Variants in SPACA9 observed in about 807,000 individuals in gnomAD.
SPACA9 encodes sperm acrosome-associated protein 9.
In SPACA9, 14 loss-of-function variants were observed where a neutral mutation model predicts 12.5. The ratio of observed to expected loss-of-function variants is 1.12; its 90% confidence interval spans 0.74 to 1.75. The LOEUF is 1.75. Among genes scored for constraint, SPACA9 ranks in the 40% most tolerant of loss-of-function variants. The pLI is 0.00. For synonymous variants in SPACA9, 111 were observed against 114.1 expected (o/e 0.97, Z 0.17); for missense variants, 292 against 291.9 (o/e 1.00, Z 0.00).
At position 132,888,960 on chromosome 9, in the gene SPACA9, C is replaced by G. The variant is rs960223820; in HGVS notation, c.*349C>G. ...TTTTTTGTATTTTTAGTAGAGACAG[C>G]GTTTCACCATGTTAGCCAGGATGGT... On this transcript the variant is annotated 3_prime_UTR_variant, in exon 4 of 4. Coordinates refer to ENST00000356311, the MANE Select transcript of SPACA9 (RefSeq NM_001316897.2). The surrounding 1 kb of genome is among the most constrained non-coding windows in gnomAD (Gnocchi z 5.0). The G allele has an allele frequency of 4.8e-6, 3 of 629,818 alleles. No homozygotes were observed. Among genetic ancestry groups the G allele is most frequent in the East Asian group, 9.0e-5 (1 of 11,114 alleles). 39.0% of individuals were successfully genotyped at this position (629,818 alleles called of 1,614,324 possible).
chr9:132,880,282 C>T (rs1305201473), intron 1 of SPACA9, among the ~76,000 whole-genome samples: 3 of 152,156 alleles, frequency 2.0e-5, no homozygotes, highest in African/African-American at 4.8e-5. Flanking sequence ...TCCCCCAGAT[C>T]GAGAAGTGCC....
In SPACA9 at chr9:132,888,103, C is replaced by T. The variant is rs561049659; in HGVS notation, c.348-187C>T. ...TCTCCTGTCTTTCACACCAGAATTA[C>T]CTGGGGCTTGTGGCACCCCAGGCCT... On this transcript the variant is annotated intron_variant, in intron 3 of 3. Transcript: ENST00000356311. The surrounding 1 kb of genome is among the most constrained non-coding windows in gnomAD (Gnocchi z 5.0). 6.6e-6 allele frequency among the ~76,000 whole-genome samples: 1 copy of T among 152,312 alleles called. No individual in the cohort carries two copies. The highest frequency in any genetic ancestry group is 2.4e-5 in the African/African-American group (1 of 41,574).
chr9:132,879,669 T>C (rs1451891959), intron 1 of SPACA9, among the ~76,000 whole-genome samples: 1 of 152,234 alleles, frequency 6.6e-6, no homozygotes, highest in Non-Finnish European at 1.5e-5. Flanking sequence ...AGTGGTTGGC[T>C]GGGTAACTTT....
intron 2 of SPACA9, among the ~76,000 whole-genome samples, chr9:132,885,159 A>G (rs191521070): frequency 2.3e-4 from 35 of 152,168 alleles, no homozygotes; most frequent in African/African-American, 7.7e-4. Context: ...AAAATGAAAA[A>G]AAACACTTTT....
At chr9:132,879,453 G>A (rs1844320726) in intron 1 of SPACA9, among the ~76,000 whole-genome samples, 1 of 152,190 alleles carries the variant, frequency 6.6e-6, no homozygotes, top group Non-Finnish European at 1.5e-5. Flanking sequence ...CTTGCTCCGT[G>A]CCTCACTTTC....
Position 132,888,617 on chromosome 9 carries a change from A to G in SPACA9, c.*6A>G. ...CTCCTGGTGGGAAATTGTAACTCAG[A>G]GCCAGGAGCTCCGTCGGCGGAGAGC... On this transcript the variant is annotated 3_prime_UTR_variant, in exon 4 of 4. Coordinates refer to ENST00000356311, the MANE Select transcript of SPACA9 (RefSeq NM_001316897.2). This position sits in a 1 kb window ranked among gnomAD's most constrained non-coding sequence, Gnocchi z 5.0. The G allele has an allele frequency of 6.6e-7, 1 of 1,519,924 alleles. No individual in the cohort carries two copies. The highest frequency in any genetic ancestry group is 8.8e-7 in the Non-Finnish European group (1 of 1,132,164). 94.2% of individuals were successfully genotyped at this position (1,519,924 alleles called of 1,614,324 possible).
chr9:132,883,322 C>G (rs1844475158), intron 1 of SPACA9, among the ~76,000 whole-genome samples: 1 of 152,246 alleles, frequency 6.6e-6, no homozygotes, highest in African/African-American at 2.4e-5. Flanking sequence ...TCAAACTAGA[C>G]AGTCTAGTAT....
chr9:132,881,878 G>T (rs1328722129), intron 1 of SPACA9, among the ~76,000 whole-genome samples: 1 of 152,100 alleles, frequency 6.6e-6, no homozygotes, highest in African/African-American at 2.4e-5. Context: ...GTTTTGCATG[G>T]GGGCAAGTGT....
In SPACA9 at chr9:132,888,737, A is replaced by G. The variant is rs1027047591; in HGVS notation, c.*126A>G. On this transcript the variant is annotated 3_prime_UTR_variant, in exon 4 of 4. Coordinates refer to ENST00000356311, the MANE Select transcript of SPACA9 (RefSeq NM_001316897.2). This position sits in a 1 kb window ranked among gnomAD's most constrained non-coding sequence, Gnocchi z 5.0. ...TAACCCCAAGGGAATCAGCCAATAT[A>G]TTACTGAGACTTCCTCTCTCTCTTC... is the stretch of plus-strand genomic sequence containing the variant. The G allele has an allele frequency of 1.2e-5, 17 of 1,432,244 alleles. No homozygotes were observed. In the African/African-American group the frequency reaches 1.9e-4, roughly 16 times the overall value. 88.7% of individuals were successfully genotyped at this position (1,432,244 alleles called of 1,614,324 possible).
At position 132,888,511 on chromosome 9, in the gene SPACA9, C is replaced by T. The variant is rs1455273752; in HGVS notation, c.569C>T (p.Pro190Leu). 1.3e-6 allele frequency: 2 copies of T among 1,586,852 alleles called. No homozygotes were observed. The highest frequency in any genetic ancestry group is 1.7e-6 in the Non-Finnish European group (2 of 1,167,282). Residue 190 changes from proline to leucine, a missense_variant, in exon 4 of 4, where the codon CCC becomes CTC. Pro to Leu is a moderately conservative substitution (Grantham distance 98). Transcript: ENST00000356311. This position sits in a 1 kb window ranked among gnomAD's most constrained non-coding sequence, Gnocchi z 5.0. ...ARPAQAIGTQ[P>L]RATKHKCRQL... Reference sequence around the variant, plus strand: ...CCTGCCCAGGCCATAGGGACCCAGCCCAGGGCCACTAAACACAAGTGTAGA... The same window carrying T: ...CCTGCCCAGGCCATAGGGACCCAGCTCAGGGCCACTAAACACAAGTGTAGA...
Position 132,888,466 on chromosome 9 carries a change from G to C in SPACA9, c.524G>C (p.Ser175Thr), listed in dbSNP as rs1844636899. The change falls in exon 4 of 4, where the codon AGC becomes ACC. Residue 175 changes from serine to threonine, a missense_variant. By Grantham distance (58) the Ser-to-Thr change is moderately conservative. Coordinates refer to ENST00000356311, the MANE Select transcript of SPACA9 (RefSeq NM_001316897.2). The surrounding 1 kb of genome is among the most constrained non-coding windows in gnomAD (Gnocchi z 5.0). ...HVSEPQAHQESTRGAARPAQA... is the reference protein window; with the variant it reads ...HVSEPQAHQETTRGAARPAQA... The stretch of plus-strand genomic sequence containing the variant: ...AGTGAGCCCCAGGCGCACCAGGAGA[G>C]CACCAGGGGAGCCGCTCGTCCTGCC... The C allele has an allele frequency of 3.1e-6, 5 of 1,612,158 alleles. No individual in the cohort carries two copies. The highest frequency in any genetic ancestry group is 4.2e-6 in the Non-Finnish European group (5 of 1,179,332).
At chr9:132,878,632 C>T (rs756397481), upstream of SPACA9, 418 of 1,044,524 alleles carry the variant, frequency 4.0e-4, no homozygotes, top group Admixed American at 5.0e-4. This position sits in a 1 kb window ranked among gnomAD's most constrained non-coding sequence, Gnocchi z 4.7. Context: ...GCCCGGCTCC[C>T]TGTGCCTCAG....
intron 2 of SPACA9, among the ~76,000 whole-genome samples, chr9:132,886,002 T>A (rs889553309): frequency 6.6e-6 from 1 of 152,260 alleles, no homozygotes; most frequent in South Asian, 2.1e-4. Flanking sequence ...GGTATGAGTG[T>A]GAAGAGCCTC....
intron 2 of SPACA9, among the ~76,000 whole-genome samples, chr9:132,884,497 G>C (rs758422226): frequency 3.9e-5 from 6 of 152,214 alleles, no homozygotes; most frequent in Non-Finnish European, 8.8e-5. Context: ...GGGGGTTGAG[G>C]AACTGTGGGA....
At position 132,888,149 on chromosome 9, in the gene SPACA9, G is replaced by A; in HGVS notation, c.348-141G>A. 1 of 1,362,688 alleles carries A rather than the reference G, an allele frequency of 7.3e-7. No individual in the cohort carries two copies. The highest frequency in any genetic ancestry group is 9.8e-7 in the Non-Finnish European group (1 of 1,020,728). The allele number at this position is 1,362,688 out of a possible 1,614,324, so 84.4% of individuals were successfully genotyped here. A position where few individuals can be genotyped will look rare whatever the true frequency, so the allele number is the denominator to read the frequency against. ...GGCCTGGTCTGCCAGAATCTCTGGG[G>A]ACAGAGCGCCTCAGCGTGCTGTGTG... On this transcript the variant is annotated intron_variant, in intron 3 of 3. Transcript: ENST00000356311. The surrounding 1 kb of genome is among the most constrained non-coding windows in gnomAD (Gnocchi z 5.0).
In SPACA9 at chr9:132,887,482, G is replaced by A. The variant is rs1225499323; in HGVS notation, c.258G>A (p.Val86=). 1 of 1,614,010 alleles carries A rather than the reference G, an allele frequency of 6.2e-7. No homozygotes were observed. The highest frequency in any genetic ancestry group is 8.5e-7 in the Non-Finnish European group (1 of 1,180,016). The part of the protein sequence containing the change: ...LNKLCQHFEA[V]HSGTPVTNNL... ...AGCTCTGCCAGCACTTTGAGGCCGT[G>A]CACTCTGGCACCCCAGTCACCAACA... is the stretch of plus-strand genomic sequence containing the variant. The change falls in exon 3 of 4, where the codon GTG becomes GTA. Residue 86 remains valine, a synonymous_variant. Transcript: ENST00000356311. The surrounding 1 kb of genome is among the most constrained non-coding windows in gnomAD (Gnocchi z 5.4).
chr9:132,889,953 A>C lies in SPACA9; in HGVS notation c.*1342A>C. On this transcript the variant is annotated 3_prime_UTR_variant, in exon 4 of 4. Transcript: ENST00000356311. ...TGTCTGACTGTTGGTTTTTCCCTTCACAGGGGACGACTTAGCTTCTGTATT... is the reference window on the plus strand; with the variant it reads ...TGTCTGACTGTTGGTTTTTCCCTTCCCAGGGGACGACTTAGCTTCTGTATT... 1 of 1,506,854 alleles carries C rather than the reference A, an allele frequency of 6.6e-7. No individual in the cohort carries two copies. Among genetic ancestry groups the C allele is most frequent in the African/African-American group, 1.4e-5 (1 of 71,180 alleles). The allele number at this position is 1,506,854 out of a possible 1,614,324, so 93.3% of individuals were successfully genotyped here.
At position 132,887,911 on chromosome 9, in the gene SPACA9, A is replaced by C. The variant is rs1411099087; in HGVS notation, c.347+340A>C. 6.6e-6 allele frequency among the ~76,000 whole-genome samples: 1 copy of C among 152,064 alleles called. No homozygotes were observed. Among genetic ancestry groups the C allele is most frequent in the Non-Finnish European group, 1.5e-5 (1 of 68,004 alleles). ...AGAGCCGCCTCCCAGGGGCAGCAGC[A>C]CTGGCACTGAGGGCTCCTCATCCTG... On this transcript the variant is annotated intron_variant, in intron 3 of 3. Transcript: ENST00000356311. This position sits in a 1 kb window ranked among gnomAD's most constrained non-coding sequence, Gnocchi z 5.4.
rs189256481 is a variant in SPACA9 at position 132,888,687 on chromosome 9, G to A, written c.*76G>A. 1 of 1,464,062 alleles carries A rather than the reference G, an allele frequency of 6.8e-7. No individual in the cohort carries two copies. Among genetic ancestry groups the A allele is most frequent in the Non-Finnish European group, 9.0e-7 (1 of 1,106,752 alleles). The allele number at this position is 1,464,062 out of a possible 1,614,324, so 90.7% of individuals were successfully genotyped here. ...TTTACTGGTTGGTCCTTTTTTCACT[G>A]GTACCCATGGACCCTGCCACTTACT... On this transcript the variant is annotated 3_prime_UTR_variant, in exon 4 of 4. Transcript: ENST00000356311. The surrounding 1 kb of genome is among the most constrained non-coding windows in gnomAD (Gnocchi z 5.0).
Sources: gnomAD v4.1 joint callset for allele counts (sites outside exome capture counted in the v4.1 genomes callset) on GRCh38, gnomAD v4.1.1 for gene constraint, Gnocchi (gnomAD v3.1) non-coding constraint, MANE v1.5 for transcripts, NCBI Gene and HGNC (gene_info 2026-07-23, HGNC 2026-07-21) for gene names.